The following TNKS variants were observed in gnomAD, a reference collection of about 807,000 sequenced individuals.
The protein encoded by TNKS is tankyrase.
A neutral mutation model predicts 135.8 loss-of-function variants in TNKS; 72 were observed. That is an observed-to-expected ratio of 0.53 (90% CI 0.44 to 0.64). The LOEUF (loss-of-function observed/expected upper bound fraction) is 0.64. Ranked by LOEUF, TNKS falls within the 30% of genes least tolerant of loss-of-function variation. The probability of loss-of-function intolerance (pLI) is 0.00; values close to 1 mark genes in which losing one functional copy is unlikely to be tolerated. For missense variants in TNKS, 1,769 were observed against 1,674.0 expected (o/e 1.06, Z -0.99); for synonymous variants, 849 against 649.3 (o/e 1.31, Z -4.68).
intron 26 of TNKS, among the ~76,000 whole-genome samples, chr8:9,772,954 G>T (rs189553802): frequency 6.7e-6 from 1 of 150,094 alleles, no homozygotes; most frequent in South Asian, 2.1e-4. Flanking sequence ...CTTCCCAAAC[G>T]TAGATCTGGG....
intron 3 of TNKS, among the ~76,000 whole-genome samples, chr8:9,668,109 C>T (rs1002557347): frequency 6.6e-6 from 1 of 152,150 alleles, no homozygotes; most frequent in African/African-American, 2.4e-5. Context: ...CCCGTGTGAA[C>T]ATTATCTGTC....
In TNKS at chr8:9,580,216, C is replaced by A. The variant is rs772268750; in HGVS notation, c.731C>A (p.Ala244Asp). ...CTACAGATGGGTGCTAATGTCCACGCTCGTGATGATGGAGGTCTCATCCCG... is the reference window on the plus strand; with the variant it reads ...CTACAGATGGGTGCTAATGTCCACGATCGTGATGATGGAGGTCTCATCCCG... The part of the protein sequence containing the change: ...HLLQMGANVH[A>D]RDDGGLIPLH... The change falls in exon 2 of 27, where the codon GCT becomes GAT. Residue 244 changes from alanine to aspartate, a missense_variant. Physicochemically the swap from Ala to Asp is moderately radical, Grantham distance 126 (BLOSUM62 -2). Around this residue, in one of 5 missense-constraint regions of TNKS, gnomAD observed 523 missense variants for 541.0 expected, o/e 0.97. Coordinates refer to ENST00000310430, the MANE Select transcript of TNKS (RefSeq NM_003747.3). 1 of 1,614,130 alleles carries A rather than the reference C, an allele frequency of 6.2e-7. No homozygotes were observed. The highest frequency in any genetic ancestry group is 1.1e-5 in the South Asian group (1 of 91,082).
At chr8:9,672,574 T>C (rs1802325853) in intron 3 of TNKS, among the ~76,000 whole-genome samples, 1 of 151,178 alleles carries the variant, frequency 6.6e-6, no homozygotes, top group Admixed American at 6.6e-5. Context: ...GTAAAAACTA[T>C]TGCCAAGTTG....
At chr8:9,651,473 A>C (rs1801145777) in intron 3 of TNKS, among the ~76,000 whole-genome samples, 2 of 152,352 alleles carry the variant, frequency 1.3e-5, no homozygotes, top group East Asian at 1.9e-4. Context: ...GGACACACCC[A>C]GAAGAGCTTT....
chr8:9,683,651 C>G (rs1585323685), intron 5 of TNKS, among the ~76,000 whole-genome samples: 2 of 149,812 alleles, frequency 1.3e-5, no homozygotes, highest in African/African-American at 4.9e-5. Flanking sequence ...GGGAATTTGC[C>G]TAGAGATATG....
In TNKS at chr8:9,760,366, C is replaced by T. The variant is rs535668142; in HGVS notation, c.3154-1150C>T. Reference sequence around the variant, plus strand: ...AATATAGAAAATTATTTCCAAAGAACGAGTGATATATGCTCATTTCACTGG... The same window carrying T: ...AATATAGAAAATTATTTCCAAAGAATGAGTGATATATGCTCATTTCACTGG... On this transcript the variant is annotated intron_variant, in intron 20 of 26. Transcript: ENST00000310430. Among the ~76,000 whole-genome samples, 37 of 152,218 alleles carry T rather than the reference C, an allele frequency of 2.4e-4. No individual in the cohort carries two copies. The East Asian group carries it at 4.2e-3, about 17-fold the overall frequency.
chr8:9,556,793 G>T, intron 1 of TNKS, 181 bp downstream of exon 1: 1 of 502,322 alleles, frequency 2.0e-6, no homozygotes, highest in Non-Finnish European at 3.5e-6. Context: ...GGGCGTGGTT[G>T]GGGGGGATAA....
chr8:9,631,534 A>G (rs1379837849), intron 3 of TNKS, among the ~76,000 whole-genome samples: 1 of 152,032 alleles, frequency 6.6e-6, no homozygotes, highest in African/African-American at 2.4e-5. Context: ...TTTGATAAAC[A>G]CTCTTGTCTC....
intron 3 of TNKS, among the ~76,000 whole-genome samples, chr8:9,638,064 GC>G (rs1563134511): frequency 6.6e-6 from 1 of 152,108 alleles, no homozygotes. Flanking sequence ...AAACTTCTGG[GC>G]CCAAGGTATC....
chr8:9,772,111 C>T (rs368418348), intron 26 of TNKS, among the ~76,000 whole-genome samples: 4 of 141,546 alleles, frequency 2.8e-5, no homozygotes, highest in Non-Finnish European at 4.6e-5. Context: ...CAGGGAAGGA[C>T]GGGTGGAGGG....
chr8:9,731,142 T>G, intron 14 of TNKS, 107 bp downstream of exon 14: 15 of 1,289,002 alleles, frequency 1.2e-5, no homozygotes, highest in Non-Finnish European at 1.5e-5. Flanking sequence ...GTAATCGTTA[T>G]TTTTTGTTTA....
rs1332631306 is a variant in TNKS at position 9,782,227 on chromosome 8, G to A, written c.*5491G>A. 7.2e-5 allele frequency: 11 copies of A among 152,596 alleles called. No individual in the cohort carries two copies. Among genetic ancestry groups the A allele is most frequent in the African/African-American group, 2.2e-4 (9 of 41,434 alleles). The allele number at this position is 152,596 out of a possible 1,614,324, so 9.5% of individuals were successfully genotyped here. A position where few individuals can be genotyped will look rare whatever the true frequency, so the allele number is the denominator to read the frequency against. On this transcript the variant is annotated 3_prime_UTR_variant, in exon 27 of 27. Coordinates refer to ENST00000310430, the MANE Select transcript of TNKS (RefSeq NM_003747.3). The stretch of plus-strand genomic sequence containing the variant: ...ATCAAGGAACTTAACCTGCCTGCCT[G>A]GTGGGTTTCTATTTAAGACATCTTT...
At chr8:9,562,092 C>T (rs1234837365) in intron 1 of TNKS, among the ~76,000 whole-genome samples, 1 of 152,122 alleles carries the variant, frequency 6.6e-6, no homozygotes, top group East Asian at 1.9e-4. Flanking sequence ...GCTGGGATTA[C>T]AGGAGTGACC....
intron 2 of TNKS, among the ~76,000 whole-genome samples, chr8:9,586,722 CGTGTGTGTGTGT>C (rs5889287): frequency 0.032 from 4,551 of 143,282 alleles, 231 homozygotes; most frequent in African/African-American, 0.11. Flanking sequence ...ATATCTAAAA[CGTGTGTGTGTGT>C]GTGTGTGTGT....
intron 2 of TNKS, among the ~76,000 whole-genome samples, chr8:9,592,438 G>C (rs1798621798): frequency 6.6e-6 from 1 of 152,174 alleles, no homozygotes; most frequent in Non-Finnish European, 1.5e-5. Flanking sequence ...AAGACTCAAA[G>C]ACTGGTCTTT....
chr8:9,691,875 A>G (rs1803290769), intron 5 of TNKS, among the ~76,000 whole-genome samples: 1 of 152,222 alleles, frequency 6.6e-6, no homozygotes, highest in South Asian at 2.1e-4. Context: ...GACTCAGTAC[A>G]GATTGAAGAT....
chr8:9,730,345 G>A (rs1805373183), intron 13 of TNKS, among the ~76,000 whole-genome samples: 2 of 152,136 alleles, frequency 1.3e-5, no homozygotes, highest in African/African-American at 4.8e-5. Context: ...GTAAGCAAAC[G>A]TTGCCCCAAA....
intron 17 of TNKS, among the ~76,000 whole-genome samples, chr8:9,747,707 A>G (rs1585411107): frequency 6.6e-6 from 1 of 152,352 alleles, no homozygotes; most frequent in East Asian, 1.9e-4. Context: ...ACTTTACAGA[A>G]TGAAACACCT....
In TNKS at chr8:9,649,847, A is replaced by G. The variant is rs560743931; in HGVS notation, c.995-30104A>G. 5.6e-5 allele frequency among the ~76,000 whole-genome samples: 8 copies of G among 142,174 alleles called. No individual in the cohort carries two copies. In the South Asian group the frequency reaches 1.8e-3, roughly 32 times the overall value. The allele number at this position is 142,174 out of a possible 152,430, so 93.3% of individuals were successfully genotyped here. ...AGTACTAGTATTCCATGGTGTATAT[A>G]TATACCACAGTTCTTTCTTTCTTTT... On this transcript the variant is annotated intron_variant, in intron 3 of 26. Transcript: ENST00000310430.
Sources: gnomAD v4.1 joint callset for allele counts (sites outside exome capture counted in the v4.1 genomes callset) on GRCh38, gnomAD v4.1.1 for gene constraint, gnomAD v4.1.1 regional missense constraint, MANE v1.5 for transcripts, NCBI Gene and HGNC (gene_info 2026-07-23, HGNC 2026-07-21) for gene names.